Variants in TIAM1 observed in about 807,000 individuals in gnomAD.
TIAM1 encodes rho guanine nucleotide exchange factor TIAM1.
Under a neutral mutation model 163.5 loss-of-function variants are expected in TIAM1, and 65 were observed. The observed-to-expected ratio is 0.40, with a 90% CI of 0.33 to 0.49. The LOEUF is 0.49. Ranked by LOEUF, TIAM1 falls within the 20% of genes least tolerant of loss-of-function variation. TIAM1 has a pLI of 0.77. For synonymous variants in TIAM1, 833 were observed against 810.1 expected, an observed-to-expected ratio of 1.03 and a Z score of -0.48; for missense variants, 1,789 against 2,044.7, an observed-to-expected ratio of 0.87 and a Z score of 2.41.
At chr21:31,506,350 A>G (rs1250002150) in intron 1 of TIAM1, among the ~76,000 whole-genome samples, 1 of 151,338 alleles carries the variant, frequency 6.6e-6, no homozygotes, top group Non-Finnish European at 1.5e-5. Flanking sequence ...ATATACCATA[A>G]CATCTATCAT....
intron 1 of TIAM1, among the ~76,000 whole-genome samples, chr21:31,529,212 C>T (rs1269258823): frequency 1.3e-5 from 2 of 151,880 alleles, no homozygotes; most frequent in Non-Finnish European, 2.9e-5. Flanking sequence ...AGCCACCGCG[C>T]CCAGCCGAAA....
At chr21:31,143,527 GAT>G (rs1020621521) in intron 20 of TIAM1, among the ~76,000 whole-genome samples, 1 of 151,180 alleles carries the variant, frequency 6.6e-6, no homozygotes, top group Non-Finnish European at 1.5e-5. Context: ...AAAGTTTAAT[GAT>G]ATATATTTTT....
chr21:31,416,737 T>G (rs1024864756), intron 2 of TIAM1, among the ~76,000 whole-genome samples: 1 of 152,248 alleles, frequency 6.6e-6, no homozygotes, highest in East Asian at 1.9e-4. Context: ...AAAGTGAAGT[T>G]TAATATCCAG....
At chr21:31,215,181 T>C (rs1198217735) in intron 9 of TIAM1, among the ~76,000 whole-genome samples, 1 of 152,040 alleles carries the variant, frequency 6.6e-6, no homozygotes. Flanking sequence ...CAGAAGCACA[T>C]GAACAAAGGG....
chr21:31,441,458 T>C (rs188663307), intron 2 of TIAM1, among the ~76,000 whole-genome samples: 11 of 152,288 alleles, frequency 7.2e-5, no homozygotes, highest in African/African-American at 2.6e-4. Flanking sequence ...CTGCAAGCAC[T>C]TTCCCCTTCT....
chr21:31,186,044 T>TAAC (rs2085289049), intron 14 of TIAM1, among the ~76,000 whole-genome samples: 1 of 152,196 alleles, frequency 6.6e-6, no homozygotes, highest in Non-Finnish European at 1.5e-5. Context: ...GTGTAACAGT[T>TAAC]TATTACAGTA....
intron 23 of TIAM1, among the ~76,000 whole-genome samples, 151 bp downstream of exon 23, chr21:31,135,780 TTG>T (rs1365893376): frequency 6.6e-6 from 1 of 152,202 alleles, no homozygotes; most frequent in Non-Finnish European, 1.5e-5. Context: ...CATTTAGTGT[TTG>T]TGAGATGTTG....
At chr21:31,135,887 T>C (rs762690332) in intron 23 of TIAM1, 46 bp downstream of exon 23, 1 of 1,538,884 alleles carries the variant, frequency 6.5e-7, no homozygotes, top group Non-Finnish European at 9.0e-7. Context: ...TTTTGAAAAC[T>C]AAGCTAGACT....
At chr21:31,260,164 A>G (rs1305348592) in intron 4 of TIAM1, among the ~76,000 whole-genome samples, 1 of 147,382 alleles carries the variant, frequency 6.8e-6, no homozygotes. Context: ...TGGTCAAAAA[A>G]TATATTTTTA....
chr21:31,238,558 A>C (rs530468265), intron 6 of TIAM1, among the ~76,000 whole-genome samples: 36 of 152,326 alleles, frequency 2.4e-4, no homozygotes, highest in Non-Finnish European at 3.5e-4. Flanking sequence ...AGTTAAAAAG[A>C]AAACCTTCTG....
chr21:31,541,055 A>G (rs944124102), intron 1 of TIAM1, among the ~76,000 whole-genome samples: 2 of 152,162 alleles, frequency 1.3e-5, no homozygotes, highest in South Asian at 2.1e-4. Flanking sequence ...ATCAAGAGCT[A>G]TTTTTTACAG....
intron 2 of TIAM1, among the ~76,000 whole-genome samples, chr21:31,325,455 GT>G (rs2075454206): frequency 1.3e-5 from 2 of 151,176 alleles, no homozygotes; most frequent in South Asian, 4.2e-4. Context: ...ATCACTTGAG[GT>G]CAGGAGTTCG....
At chr21:31,175,158 G>T (rs1426602287) in intron 15 of TIAM1, among the ~76,000 whole-genome samples, 1 of 151,968 alleles carries the variant, frequency 6.6e-6, no homozygotes, top group Non-Finnish European at 1.5e-5. Context: ...GCCCAAGCTG[G>T]TCTCAAACTC....
rs536358112 is a variant in TIAM1 at position 31,148,560 on chromosome 21, CA to C, written c.3367-1558del. Among the ~76,000 whole-genome samples the C allele has an allele frequency of 3.3e-4, 50 of 152,062 alleles. No individual in the cohort carries two copies. In the South Asian group the frequency reaches 0.01, roughly 31 times the overall value. On this transcript the variant is annotated intron_variant, in intron 19 of 27. Coordinates refer to ENST00000541036, the MANE Select transcript of TIAM1 (RefSeq NM_001353694.2). ...TACAGAGTCATACCCAAGAATTAAG[CA>C]AAAAAAGTTGTGGAAGAAAATGTGC...
intron 12 of TIAM1, among the ~76,000 whole-genome samples, chr21:31,199,920 A>C (rs1399882805): frequency 1.3e-5 from 2 of 150,010 alleles, no homozygotes; most frequent in Admixed American, 1.3e-4. Context: ...TAAAAAAAAA[A>C]AAAAACACAC....
At chr21:31,538,350 C>G (rs1332722939) in intron 1 of TIAM1, among the ~76,000 whole-genome samples, 3 of 152,128 alleles carry the variant, frequency 2.0e-5, no homozygotes, top group African/African-American at 7.2e-5. Flanking sequence ...TGAGACCAGC[C>G]TGGGCAACAC....
chr21:31,198,393 T>C (rs2085997875), intron 12 of TIAM1, among the ~76,000 whole-genome samples: 1 of 152,180 alleles, frequency 6.6e-6, no homozygotes, highest in South Asian at 2.1e-4. Flanking sequence ...TTTAATGCAA[T>C]TTCCACCAAA....
chr21:31,405,724 A>T (rs2077235541), intron 2 of TIAM1, among the ~76,000 whole-genome samples: 1 of 152,156 alleles, frequency 6.6e-6, no homozygotes, highest in African/African-American at 2.4e-5. Flanking sequence ...AGCACGGGAA[A>T]GCCCCGCCCC....
chr21:31,208,371 T>C (rs552961872), intron 11 of TIAM1, among the ~76,000 whole-genome samples: 1 of 152,326 alleles, frequency 6.6e-6, no homozygotes, highest in African/African-American at 2.4e-5. Flanking sequence ...AGCCAGAAAG[T>C]TCTACTTTTA....
Sources: gnomAD v4.1 joint callset for allele counts (sites outside exome capture counted in the v4.1 genomes callset) on GRCh38, gnomAD v4.1.1 for gene constraint, MANE v1.5 for transcripts, NCBI Gene and HGNC (gene_info 2026-07-23, HGNC 2026-07-21) for gene names.